Variants in AXIN1 observed in about 807,000 individuals in gnomAD.
AXIN1 encodes the protein axin-1.
Under a neutral mutation model 76.4 loss-of-function variants are expected in AXIN1, and 30 were observed. The observed-to-expected ratio is 0.39, with a 90% CI of 0.29 to 0.53. The LOEUF (loss-of-function observed/expected upper bound fraction) is 0.53. Ranked by LOEUF, AXIN1 falls within the 20% of genes least tolerant of loss-of-function variation. AXIN1 has a pLI of 0.66. For missense variants in AXIN1, 1,140 were observed against 1,198.8 expected (o/e 0.95, Z 0.72); for synonymous variants, 545 against 501.4 (o/e 1.09, Z -1.16).
At chr16:289,797 G>C (rs904983921) in intron 9 of AXIN1, 190 bp from the exon 10 acceptor site, 2 of 715,980 alleles carry the variant, frequency 2.8e-6, no homozygotes, top group African/African-American at 3.5e-5. Flanking sequence ...TAGCAGTGGA[G>C]TCGGCTCCGC....
In AXIN1 at chr16:352,583, C is replaced by A. The variant is rs2054169623; in HGVS notation, c.-296G>T. On this transcript the variant is annotated 5_prime_UTR_variant, in exon 1 of 11. Coordinates refer to ENST00000262320, the MANE Select transcript of AXIN1 (RefSeq NM_003502.4). ...GGGCCCAGCCGCCAGCTCCCACCCG[C>A]CCGCTCCGCGTGGACGCGGCTCCGG... 5.1e-6 allele frequency: 1 copy of A among 197,054 alleles called. No individual in the cohort carries two copies. The highest frequency in any genetic ancestry group is 2.4e-5 in the African/African-American group (1 of 41,762). 12.2% of individuals were successfully genotyped at this position (197,054 alleles called of 1,614,324 possible).
At position 350,321 on chromosome 16, in the gene AXIN1, C is replaced by A. The variant is rs2054116823; in HGVS notation, c.-82+2048G>T. Among the ~76,000 whole-genome samples, 5 of 152,208 alleles carry A rather than the reference C, an allele frequency of 3.3e-5. No individual in the cohort carries two copies. In the South Asian group the frequency reaches 1.0e-3, roughly 31 times the overall value. Reference sequence around the variant, plus strand: ...TTAGTGTACACACAAGTACACACCACACATAAAGCAGTCACGTTTACTCAG... The same window carrying A: ...TTAGTGTACACACAAGTACACACCAAACATAAAGCAGTCACGTTTACTCAG... On this transcript the variant is annotated intron_variant, in intron 1 of 10. Transcript: ENST00000262320.
intron 2 of AXIN1, among the ~76,000 whole-genome samples, chr16:329,264 G>A (rs60003766): frequency 0.034 from 3,842 of 111,672 alleles, 191 homozygotes; most frequent in African/African-American, 0.12. Context: ...GCGACAGAGC[G>A]AGACTGTCAA....
At chr16:323,210 CA>C (rs2071250662) in intron 2 of AXIN1, among the ~76,000 whole-genome samples, 4 of 152,088 alleles carry the variant, frequency 2.6e-5, no homozygotes, top group Admixed American at 2.0e-4. Context: ...GAGGCCAACG[CA>C]GGCATATCAC....
intron 1 of AXIN1, among the ~76,000 whole-genome samples, chr16:352,113 C>A (rs2054158278): frequency 6.6e-6 from 1 of 152,146 alleles, no homozygotes; most frequent in South Asian, 2.1e-4. Context: ...GCTCCAGGCC[C>A]GGCTCTCCCG....
chr16:305,734 C>A (rs1268930163), intron 4 of AXIN1, among the ~76,000 whole-genome samples: 1 of 152,052 alleles, frequency 6.6e-6, no homozygotes, highest in Non-Finnish European at 1.5e-5. Flanking sequence ...TTAGTAGAGA[C>A]AGGATTTCAC....
In AXIN1 at chr16:288,002, A is replaced by G. The variant is rs2052432325; in HGVS notation, c.*120T>C. ...CTCTAGACACGGGTAGACCACAGGG[A>G]TGGGTGGTACACCCAACACTGTTCC... On this transcript the variant is annotated 3_prime_UTR_variant, in exon 11 of 11. Transcript: ENST00000262320. The G allele has an allele frequency of 3.3e-6, 5 of 1,509,578 alleles. No homozygotes were observed. Among genetic ancestry groups the G allele is most frequent in the Non-Finnish European group, 4.6e-6 (5 of 1,098,252 alleles). The allele number at this position is 1,509,578 out of a possible 1,614,324, so 93.5% of individuals were successfully genotyped here.
At position 324,999 on chromosome 16, in the gene AXIN1, T is replaced by C. The variant is rs532329705; in HGVS notation, c.879-10316A>G. ...GCTCTACTGACGCACGGCTGGGTGC[T>C]CAGCGGACCCGCACAGAACCACAGT... On this transcript the variant is annotated intron_variant, in intron 2 of 10. Transcript: ENST00000262320. Among the ~76,000 whole-genome samples the C allele has an allele frequency of 1.3e-3, 191 of 152,308 alleles. 1 individual carries two copies. The highest frequency in any genetic ancestry group is 0.012 in the Admixed American group (182 of 15,300).
chr16:345,524 G>T (rs997310417), intron 2 of AXIN1, among the ~76,000 whole-genome samples: 1 of 152,186 alleles, frequency 6.6e-6, no homozygotes, highest in Non-Finnish European at 1.5e-5. Context: ...AGACCAGCCT[G>T]GCCAACATGG....
chr16:314,841 C>G (rs150052965), intron 2 of AXIN1, among the ~76,000 whole-genome samples, 158 bp from the exon 3 acceptor site: 2 of 152,362 alleles, frequency 1.3e-5, no homozygotes, highest in Non-Finnish European at 1.5e-5. Context: ...ACATCTCCAC[C>G]TGTCCTCTTG....
At chr16:317,112 C>G (rs564862316) in intron 2 of AXIN1, among the ~76,000 whole-genome samples, 2 of 152,186 alleles carry the variant, frequency 1.3e-5, no homozygotes, top group Non-Finnish European at 2.9e-5. Flanking sequence ...ACCTGATGAA[C>G]AGAACCTAGG....
chr16:348,050 A>C (rs1239885637), intron 1 of AXIN1, among the ~76,000 whole-genome samples: 1 of 152,196 alleles, frequency 6.6e-6, no homozygotes, highest in Non-Finnish European at 1.5e-5. Context: ...CTTAGACATC[A>C]GGGAACTATA....
In AXIN1 at chr16:287,738, GCCTGGGCCCCACCCAGA is replaced by G. The variant is rs879224462; in HGVS notation, c.*367_*383del. ...AGGCCCTGCAGGCCTCTGCATCCGG[GCCTGGGCCCCACCCAGA>G]CCTGGGTACGTGGGCAAATCCCAGA... is the stretch of plus-strand genomic sequence containing the variant. On this transcript the variant is annotated 3_prime_UTR_variant, in exon 11 of 11. Transcript: ENST00000262320. 560 of 408,296 alleles carry G rather than the reference GCCTGGGCCCCACCCAGA, an allele frequency of 1.4e-3. 9 individuals are homozygous for G. In the South Asian group the frequency reaches 0.014, roughly 10 times the overall value. The allele number at this position is 408,296 out of a possible 1,614,324, so 25.3% of individuals were successfully genotyped here.
At chr16:290,474 C>T in intron 9 of AXIN1, 1 of 157,266 alleles carries the variant, frequency 6.4e-6, no homozygotes, top group Non-Finnish European at 1.4e-5. Context: ...CACGTGGGGG[C>T]TGCCCCAGGG....
chr16:298,701 G>A (rs541912977), intron 5 of AXIN1, among the ~76,000 whole-genome samples: 13 of 151,622 alleles, frequency 8.6e-5, no homozygotes, highest in East Asian at 1.9e-4. Flanking sequence ...GGACAGATGC[G>A]ATTCTCACCA....
chr16:342,910 T>C (rs898206237), intron 2 of AXIN1, among the ~76,000 whole-genome samples: 3 of 152,166 alleles, frequency 2.0e-5, no homozygotes, highest in African/African-American at 7.2e-5. Flanking sequence ...CTCAGGTGGG[T>C]GGGTTTCCAC....
At position 314,575 on chromosome 16, in the gene AXIN1, A is replaced by G; in HGVS notation, c.987T>C (p.Asp329=). The change falls in exon 3 of 11, where the codon GAT becomes GAC. Residue 329 remains aspartate, a synonymous_variant. Coordinates refer to ENST00000262320, the MANE Select transcript of AXIN1 (RefSeq NM_003502.4). The stretch of plus-strand genomic sequence containing the variant: ...TGTCCGTGAGGGACAGGGTGTCTGC[A>G]TCGCTGGACAGGCTCTGCTGCTCGC... The part of the protein sequence containing the change: ...NDSEQQSLSS[D]ADTLSLTDSS... The G allele has an allele frequency of 1.2e-6, 2 of 1,613,922 alleles. No homozygotes were observed. Among genetic ancestry groups the G allele is most frequent in the Non-Finnish European group, 1.7e-6 (2 of 1,179,922 alleles).
intron 2 of AXIN1, among the ~76,000 whole-genome samples, chr16:342,347 T>A (rs2141687901): frequency 6.6e-6 from 1 of 151,770 alleles, no homozygotes. Flanking sequence ...CGCGGCTTCA[T>A]TCTTGAAGTC....
chr16:348,529 G>C (rs915892083), intron 1 of AXIN1, among the ~76,000 whole-genome samples: 1 of 152,242 alleles, frequency 6.6e-6, no homozygotes, highest in Non-Finnish European at 1.5e-5. Context: ...GCCAGGCGTG[G>C]TGTCACGCAC....
Sources: gnomAD v4.1 joint callset for allele counts (sites outside exome capture counted in the v4.1 genomes callset) on GRCh38, gnomAD v4.1.1 for gene constraint, MANE v1.5 for transcripts, NCBI Gene and HGNC (gene_info 2026-07-23, HGNC 2026-07-21) for gene names.